TOX2: variants seen among roughly 807,000 people sequenced by gnomAD.
TOX2 encodes the protein granulosa cell HMG box 1.
A neutral mutation model predicts 47.4 loss-of-function variants in TOX2; 15 were observed. The observed-to-expected ratio is 0.32, with a 90% CI of 0.21 to 0.49. TOX2 has a LOEUF of 0.49. Ranked by LOEUF, TOX2 falls within the 20% of genes least tolerant of loss-of-function variation. The pLI, the probability that TOX2 is intolerant of heterozygous loss-of-function variation, is 0.99. For synonymous variants in TOX2, 290 were observed against 296.6 expected, an observed-to-expected ratio of 0.98 and a Z score of 0.23; for missense variants, 622 against 673.1, an observed-to-expected ratio of 0.92 and a Z score of 0.84.
chr20:44,041,142 G>A (rs972772158), intron 3 of TOX2, among the ~76,000 whole-genome samples: 40 of 152,216 alleles, frequency 2.6e-4, no homozygotes, highest in African/African-American at 9.6e-4. Flanking sequence ...CTGGAGCGCA[G>A]CTTCACTGCA....
intron 3 of TOX2, among the ~76,000 whole-genome samples, chr20:44,014,502 G>T (rs1284776100): frequency 1.3e-5 from 2 of 152,144 alleles, no homozygotes; most frequent in East Asian, 3.9e-4. Flanking sequence ...GTATCATCTA[G>T]TAGTCAGGTG....
intron 3 of TOX2, among the ~76,000 whole-genome samples, chr20:44,015,278 A>G (rs1250623452): frequency 1.3e-5 from 2 of 152,198 alleles, no homozygotes; most frequent in Non-Finnish European, 2.9e-5. Context: ...TTTACATTTT[A>G]TAAAACTCAG....
chr20:43,930,473 T>C (rs2069237803), intron 1 of TOX2, among the ~76,000 whole-genome samples: 1 of 152,228 alleles, frequency 6.6e-6, no homozygotes, highest in Non-Finnish European at 1.5e-5. Context: ...TTGAAATCCT[T>C]GTCCTCATGG....
At chr20:44,043,881 G>T (rs749988581) in intron 3 of TOX2, among the ~76,000 whole-genome samples, 8 of 152,228 alleles carry the variant, frequency 5.3e-5, no homozygotes, top group Non-Finnish European at 1.0e-4. Context: ...AACAGGAATG[G>T]TGAGATAAAT....
At chr20:43,972,812 G>A (rs113452058) in intron 1 of TOX2, among the ~76,000 whole-genome samples, 3 of 152,244 alleles carry the variant, frequency 2.0e-5, no homozygotes, top group African/African-American at 7.2e-5. Flanking sequence ...TCCTGTACAT[G>A]GTCTCTACCA....
chr20:44,056,625 G>A (rs1297918096), intron 5 of TOX2, among the ~76,000 whole-genome samples: 1 of 152,142 alleles, frequency 6.6e-6, no homozygotes, highest in Non-Finnish European at 1.5e-5. Flanking sequence ...TCTAACCCAA[G>A]AACTTGGCAT....
In TOX2 at chr20:44,069,140, A is replaced by T. The variant is rs907434548; in HGVS notation, c.*454A>T. 1 of 352,628 alleles carries T rather than the reference A, an allele frequency of 2.8e-6. No individual in the cohort carries two copies. The highest frequency in any genetic ancestry group is 2.1e-5 in the African/African-American group (1 of 46,832). 21.8% of individuals were successfully genotyped at this position (352,628 alleles called of 1,614,324 possible). A position where few individuals can be genotyped will look rare whatever the true frequency, so the allele number is the denominator to read the frequency against. Reference sequence around the variant, plus strand: ...TGAACAAAAGATTACGAAACCTAGAAACTGTTGGTTCCGTGTAAGTAGTTG... The same window carrying T: ...TGAACAAAAGATTACGAAACCTAGATACTGTTGGTTCCGTGTAAGTAGTTG... On this transcript the variant is annotated 3_prime_UTR_variant, in exon 9 of 9. Transcript: ENST00000341197.
chr20:43,925,188 C>T (rs1290413818), intron 1 of TOX2, among the ~76,000 whole-genome samples: 1 of 151,150 alleles, frequency 6.6e-6, no homozygotes, highest in African/African-American at 2.4e-5. Flanking sequence ...TTAGGCCTCT[C>T]TTTTATGCTG....
chr20:44,054,351 C>CGAA lies in TOX2; in HGVS notation c.714_716dup (p.Lys241dup), dbSNP rs769954018. Reference sequence around the variant, plus strand: ...GACCCAGGAAAAAAGGCCAAGAACCCGAAGAAGAAGAAAAAGAAGGACCCC... The same window carrying CGAA: ...GACCCAGGAAAAAAGGCCAAGAACCCGAAGAAGAAGAAGAAAAAGAAGGACCCC... On this transcript the variant is annotated inframe_insertion, in exon 5 of 9. Transcript: ENST00000341197. 8.1e-5 allele frequency: 130 copies of CGAA among 1,611,862 alleles called. No homozygotes were observed. The highest frequency in any genetic ancestry group is 1.0e-4 in the Non-Finnish European group (123 of 1,179,428).
intron 3 of TOX2, among the ~76,000 whole-genome samples, chr20:44,025,269 G>T (rs1037698838): frequency 6.6e-6 from 1 of 151,898 alleles, no homozygotes; most frequent in South Asian, 2.1e-4. Context: ...TGCCCCCAGG[G>T]GTGTTCTGGA....
At chr20:43,969,422 G>A (rs1418296223) in intron 1 of TOX2, among the ~76,000 whole-genome samples, 1 of 152,210 alleles carries the variant, frequency 6.6e-6, no homozygotes, top group Non-Finnish European at 1.5e-5. Context: ...GCCCTGCTGT[G>A]TCTGAGGGCA....
intron 4 of TOX2, among the ~76,000 whole-genome samples, chr20:44,053,568 C>T (rs1012869982): frequency 1.4e-5 from 2 of 138,414 alleles, no homozygotes; most frequent in African/African-American, 5.3e-5. Flanking sequence ...ACTATATATA[C>T]ACACACATAT....
intron 1 of TOX2, chr20:43,945,764 G>T: frequency 1.7e-6 from 2 of 1,163,170 alleles, no homozygotes; most frequent in East Asian, 2.5e-5. Flanking sequence ...TGATAAAAGA[G>T]GTTAAATAAC....
At chr20:44,000,769 G>T (rs74911689) in intron 2 of TOX2, among the ~76,000 whole-genome samples, 1,738 of 152,200 alleles carry the variant, frequency 0.011, 15 homozygotes, top group Middle Eastern at 0.038. Context: ...AGAATGGCCT[G>T]TGATGTTGGC....
chr20:43,976,579 T>G (rs972714671), intron 2 of TOX2, among the ~76,000 whole-genome samples: 3 of 152,230 alleles, frequency 2.0e-5, no homozygotes, highest in African/African-American at 7.2e-5. Context: ...TGTGGCCTTT[T>G]TACAAACTAC....
Position 44,065,918 on chromosome 20 carries a change from C to CCCGCCG in TOX2, c.1173_1178dup (p.Pro393_Pro394dup). 1 of 1,610,944 alleles carries CCCGCCG rather than the reference C, an allele frequency of 6.2e-7. No homozygotes were observed. The highest frequency in any genetic ancestry group is 8.5e-7 in the Non-Finnish European group (1 of 1,178,226). On this transcript the variant is annotated inframe_insertion, in exon 7 of 9. Coordinates refer to ENST00000341197, the MANE Select transcript of TOX2 (RefSeq NM_001098797.2). ...CTCTGCTGCCAGGCCTCAGTGCGTC[C>CCCGCCG]CCGCCGCCGCCACCCTCCTTCCCGC...
rs369771762 is a variant in TOX2 at position 44,051,588 on chromosome 20, C to T, written c.651+43C>T. On this transcript the variant is annotated intron_variant, in intron 4 of 8. Coordinates refer to ENST00000341197, the MANE Select transcript of TOX2 (RefSeq NM_001098797.2). ...ACAGAGCCTGAAGCTGCCCTCCTGT[C>T]GGCAGGGAAGGGGTCCTGTGGGGAA... is the stretch of plus-strand genomic sequence containing the variant. 61 of 1,530,178 alleles carry T rather than the reference C, an allele frequency of 4.0e-5. No homozygotes were observed. The African/African-American group carries it at 4.8e-4, about 12-fold the overall frequency. 94.8% of individuals were successfully genotyped at this position (1,530,178 alleles called of 1,614,324 possible).
intron 2 of TOX2, among the ~76,000 whole-genome samples, chr20:43,973,984 G>A (rs997586499): frequency 6.6e-6 from 1 of 152,156 alleles, no homozygotes; most frequent in Admixed American, 6.5e-5. Context: ...CTGGCCCTCT[G>A]GGGGGTCATA....
intron 1 of TOX2, among the ~76,000 whole-genome samples, chr20:43,957,375 C>T (rs1192446914): frequency 1.3e-5 from 2 of 152,188 alleles, no homozygotes; most frequent in African/African-American, 2.4e-5. Context: ...CTGTTATAAG[C>T]GTGAGCTTTA....
Sources: allele counts gnomAD v4.1 joint callset (sites outside exome capture counted in the v4.1 genomes callset), GRCh38; gene constraint gnomAD v4.1.1; transcripts MANE v1.5; gene names NCBI Gene and HGNC (gene_info 2026-07-23, HGNC 2026-07-21).